Variants in TENM3 observed in about 807,000 individuals in gnomAD.
TENM3 encodes the protein teneurin-3.
In TENM3, 63 loss-of-function variants were observed where a neutral mutation model predicts 255.1. That is an observed-to-expected ratio of 0.25 (90% CI 0.20 to 0.30). The LOEUF (loss-of-function observed/expected upper bound fraction) is 0.30, where lower values mean the gene tolerates loss of function less well. TENM3 is among the 10% of genes least tolerant of loss of function. TENM3 has a pLI of 1.00. For synonymous variants in TENM3, 1,306 were observed against 1,322.3 expected, an observed-to-expected ratio of 0.99 and a Z score of 0.27; for missense variants, 2,929 against 3,461.1, an observed-to-expected ratio of 0.85 and a Z score of 3.86.
chr4:181,636,579 G>A, the TENM3 span, among the ~76,000 whole-genome samples: 4 of 151,908 alleles, frequency 2.6e-5, no homozygotes, highest in Non-Finnish European at 4.4e-5. Flanking sequence ...TTCCTCTCAC[G>A]TGCCCAGCCA....
chr4:181,755,589 A>G, the TENM3 span, among the ~76,000 whole-genome samples: 1 of 152,180 alleles, frequency 6.6e-6, no homozygotes, highest in Non-Finnish European at 1.5e-5. Flanking sequence ...AATTATTTAT[A>G]TTAATTCTGT....
chr4:182,647,136 G>A (rs144391075), intron 5 of TENM3, among the ~76,000 whole-genome samples: 7 of 152,276 alleles, frequency 4.6e-5, no homozygotes, highest in African/African-American at 1.7e-4. Context: ...TCTGGGTTAA[G>A]TTTCCGACTT....
At chr4:182,492,505 CA>C (rs1031075666) in intron 3 of TENM3, among the ~76,000 whole-genome samples, 1 of 152,152 alleles carries the variant, frequency 6.6e-6, no homozygotes, top group Admixed American at 6.6e-5. Flanking sequence ...ATATTCATGT[CA>C]GTCAGGAATC....
At chr4:181,556,628 T>C in the TENM3 span, among the ~76,000 whole-genome samples, 2 of 152,140 alleles carry the variant, frequency 1.3e-5, no homozygotes, top group Admixed American at 6.6e-5. Context: ...TATATAAAGA[T>C]AACCAATGTG....
At chr4:181,456,536 C>A in the TENM3 span, among the ~76,000 whole-genome samples, 2 of 151,986 alleles carry the variant, frequency 1.3e-5, no homozygotes, top group East Asian at 3.9e-4. Context: ...GGACTCTAAG[C>A]TAGTATCTCT....
rs572019748 is a variant in TENM3 at position 182,637,381 on chromosome 4, C to T, written c.988+8492C>T. On this transcript the variant is annotated intron_variant, in intron 5 of 27. Transcript: ENST00000511685. The stretch of plus-strand genomic sequence containing the variant: ...TTAAAAATAAGATTCCAAAGCCAGA[C>T]GTGGTGGCAAGCATCTGTAGTCACA... Among the ~76,000 whole-genome samples the T allele has an allele frequency of 7.2e-5, 11 of 152,194 alleles. 1 individual carries two copies. In the South Asian group the frequency reaches 1.0e-3, roughly 14 times the overall value.
At chr4:181,531,755 G>A in the TENM3 span, among the ~76,000 whole-genome samples, 2 of 152,216 alleles carry the variant, frequency 1.3e-5, no homozygotes, top group Non-Finnish European at 2.9e-5. Context: ...CCAAGTGTGT[G>A]TAAATGTGTG....
At chr4:182,505,734 G>C (rs1029880911) in intron 3 of TENM3, among the ~76,000 whole-genome samples, 1 of 152,082 alleles carries the variant, frequency 6.6e-6, no homozygotes, top group Non-Finnish European at 1.5e-5. Flanking sequence ...GGGATTACAG[G>C]CGTGAGCCAC....
chr4:182,714,229 A>C lies in TENM3; in HGVS notation c.2364A>C (p.Glu788Asp). The C allele has an allele frequency of 6.2e-7, 1 of 1,602,328 alleles. No individual in the cohort carries two copies. The highest frequency in any genetic ancestry group is 8.5e-7 in the Non-Finnish European group (1 of 1,173,474). The change falls in exon 13 of 28, where the codon GAA becomes GAC. Residue 788 changes from glutamate to aspartate, a missense_variant. Glu to Asp is a conservative substitution (Grantham distance 45). This residue lies in a region of TENM3 where 1,608 missense variants were observed against 1,884.4 expected (regional missense o/e 0.85). Transcript: ENST00000511685. Reference protein sequence around the residue: ...ETLCTDSKDNEGDGLIDCMDP... With the variant: ...ETLCTDSKDNDGDGLIDCMDP... Reference sequence around the variant, plus strand: ...TTTGCACAGATAGCAAGGACAATGAAGGAGGTAAGAAATACTGAGCATGAA... The same window carrying C: ...TTTGCACAGATAGCAAGGACAATGACGGAGGTAAGAAATACTGAGCATGAA...
chr4:182,648,781 T>G (rs1752992139), intron 5 of TENM3, among the ~76,000 whole-genome samples: 1 of 152,138 alleles, frequency 6.6e-6, no homozygotes, highest in Admixed American at 6.5e-5. Context: ...TCAGTTGATT[T>G]TACCTGCCTT....
chr4:181,513,773 G>A, the TENM3 span, among the ~76,000 whole-genome samples: 10 of 152,196 alleles, frequency 6.6e-5, no homozygotes, highest in Middle Eastern at 3.4e-3. Flanking sequence ...TAATCCTGTC[G>A]CTTGTTTTCT....
At chr4:181,860,994 GA>G in the TENM3 span, among the ~76,000 whole-genome samples, 5 of 151,930 alleles carry the variant, frequency 3.3e-5, no homozygotes, top group African/African-American at 2.4e-5. Context: ...GGTTGATATC[GA>G]AAAAAATGTA....
At chr4:182,713,330 A>G (rs1417928441) in intron 12 of TENM3, among the ~76,000 whole-genome samples, 1 of 152,162 alleles carries the variant, frequency 6.6e-6, no homozygotes, top group Non-Finnish European at 1.5e-5. Flanking sequence ...AAGTAATCCA[A>G]TATGCACAGC....
intron 1 of TENM3, among the ~76,000 whole-genome samples, chr4:182,173,283 T>G (rs1319144759): frequency 3.9e-5 from 6 of 152,204 alleles, no homozygotes; most frequent in African/African-American, 9.6e-5. Flanking sequence ...CCCACCTTCA[T>G]GCATCTAAGA....
At chr4:182,378,919 TA>T (rs1767373906) in intron 3 of TENM3, among the ~76,000 whole-genome samples, 1 of 91,610 alleles carries the variant, frequency 1.1e-5, no homozygotes, top group Non-Finnish European at 2.2e-5. Context: ...CTCCACATTC[TA>T]AAACCGTTTC....
the TENM3 span, among the ~76,000 whole-genome samples, chr4:181,819,673 C>A: frequency 1.3e-5 from 2 of 152,172 alleles, no homozygotes; most frequent in African/African-American, 4.8e-5. Context: ...GCATTAGATT[C>A]TCATAAGGAG....
chr4:181,729,456 A>G, the TENM3 span, among the ~76,000 whole-genome samples: 5 of 152,202 alleles, frequency 3.3e-5, no homozygotes, highest in South Asian at 6.2e-4. Context: ...GGAACTAATG[A>G]GAGCTCATGA....
chr4:182,780,639 C>T (rs1251359896), intron 24 of TENM3, among the ~76,000 whole-genome samples: 17 of 141,168 alleles, frequency 1.2e-4, no homozygotes, highest in Admixed American at 7.1e-5. Context: ...CTGTAAATTA[C>T]CTTGGGCAGT....
the TENM3 span, among the ~76,000 whole-genome samples, chr4:181,967,260 C>G: frequency 1.3e-5 from 2 of 152,068 alleles, no homozygotes; most frequent in African/African-American, 4.8e-5. Flanking sequence ...AAATATGGGT[C>G]CAGCACAGCC....
Sources: gnomAD v4.1 joint callset for allele counts (sites outside exome capture counted in the v4.1 genomes callset) on GRCh38, gnomAD v4.1.1 for gene constraint, gnomAD v4.1.1 regional missense constraint, MANE v1.5 for transcripts, NCBI Gene and HGNC (gene_info 2026-07-23, HGNC 2026-07-21) for gene names.